The following DHRSX variants were observed in gnomAD, a reference collection of about 807,000 sequenced individuals.
DHRSX encodes the protein polyprenol dehydrogenase.
Under a neutral mutation model 34.0 loss-of-function variants are expected in DHRSX, and 31 were observed. The observed-to-expected ratio is 0.91, with a 90% confidence interval of 0.69 to 1.23. DHRSX has a LOEUF of 1.23. Ranked by LOEUF, DHRSX falls within the 50% of genes most tolerant of loss-of-function variation. DHRSX has a pLI of 0.00. For missense variants in DHRSX, 414 were observed against 428.1 expected (o/e 0.97, Z 0.29); for synonymous variants, 201 against 183.8 (o/e 1.09, Z -0.76).
chrX:2,360,330 A>G (rs1486042867), intron 3 of DHRSX, among the ~76,000 whole-genome samples: 1 of 152,218 alleles, frequency 6.6e-6, no homozygotes, highest in Admixed American at 6.5e-5. Flanking sequence ...CACGCCTGTA[A>G]TCCCAGCACT....
At chrX:2,258,530 C>G (rs1317877872) in intron 5 of DHRSX, among the ~76,000 whole-genome samples, 1 of 152,116 alleles carries the variant, frequency 6.6e-6, no homozygotes, top group Non-Finnish European at 1.5e-5. Flanking sequence ...CCTGTGAGGA[C>G]ACAGGGAGAA....
chrX:2,387,924 A>AAT (rs2043291618), intron 3 of DHRSX, among the ~76,000 whole-genome samples: 2 of 149,080 alleles, frequency 1.3e-5, no homozygotes, highest in South Asian at 4.3e-4. Context: ...AAAAAAAAAA[A>AAT]CGGGATTCCC....
At chrX:2,436,708 G>A (rs2124662106) in intron 1 of DHRSX, among the ~76,000 whole-genome samples, 1 of 151,180 alleles carries the variant, frequency 6.6e-6, no homozygotes, top group South Asian at 2.1e-4. Context: ...CATTGTTCAG[G>A]CTGATCTCAA....
At chrX:2,500,776 C>T (rs1435428813) in intron 1 of DHRSX, 41 bp downstream of exon 1, 2 of 1,021,364 alleles carry the variant, frequency 2.0e-6, no homozygotes, top group Non-Finnish European at 2.4e-6. Context: ...CCGCGCCCAC[C>T]CGGGTCCCCG....
intron 1 of DHRSX, among the ~76,000 whole-genome samples, chrX:2,447,527 A>G (rs945873214): frequency 3.3e-5 from 5 of 152,136 alleles, no homozygotes; most frequent in Admixed American, 6.6e-5. Flanking sequence ...TTATTCCACC[A>G]TAAGGTGTGT....
At chrX:2,380,145 C>T (rs1392944408) in intron 3 of DHRSX, among the ~76,000 whole-genome samples, 1 of 151,590 alleles carries the variant, frequency 6.6e-6, no homozygotes, top group Non-Finnish European at 1.5e-5. Context: ...AAATACAGAG[C>T]TTAGCTGTGC....
intron 5 of DHRSX, among the ~76,000 whole-genome samples, chrX:2,259,238 A>C (rs775773382): frequency 2.0e-5 from 3 of 151,548 alleles, no homozygotes; most frequent in Admixed American, 1.3e-4. Context: ...GCACCACTGC[A>C]TTGCAGCCTG....
chrX:2,311,113 CAG>C (rs917189901), intron 3 of DHRSX, among the ~76,000 whole-genome samples: 4 of 145,276 alleles, frequency 2.8e-5, no homozygotes, highest in African/African-American at 1.0e-4. Context: ...AACTGAGAGA[CAG>C]AGAGAATAAG....
intron 1 of DHRSX, 133 bp downstream of exon 1, chrX:2,500,684 C>T (rs1326268119): frequency 1.2e-5 from 2 of 167,644 alleles, no homozygotes; most frequent in Admixed American, 6.7e-5. Flanking sequence ...CACACCTCGA[C>T]CCCCGCCCAG....
intron 5 of DHRSX, among the ~76,000 whole-genome samples, chrX:2,260,491 C>A (rs1212735322): frequency 6.7e-6 from 1 of 149,924 alleles, no homozygotes; most frequent in African/African-American, 2.5e-5. Context: ...CAGAGTTTCG[C>A]TCTTGTTGCC....
At chrX:2,464,970 G>C (rs2044469388) in intron 1 of DHRSX, among the ~76,000 whole-genome samples, 1 of 150,856 alleles carries the variant, frequency 6.6e-6, no homozygotes, top group African/African-American at 2.4e-5. Context: ...CATTCCCTAA[G>C]AATGGGGCTA....
chrX:2,470,721 C>A (rs1370286569), intron 1 of DHRSX, among the ~76,000 whole-genome samples: 1 of 152,122 alleles, frequency 6.6e-6, no homozygotes, highest in African/African-American at 2.4e-5. Context: ...ATATAAATTA[C>A]ATTAAAATTA....
intron 3 of DHRSX, among the ~76,000 whole-genome samples, chrX:2,347,072 A>G (rs958817216): frequency 1.4e-4 from 21 of 152,190 alleles, no homozygotes; most frequent in Admixed American, 1.2e-3. Flanking sequence ...GATATAGATA[A>G]GGATGGATAA....
chrX:2,494,074 T>C (rs902243776), intron 1 of DHRSX, among the ~76,000 whole-genome samples: 11 of 152,166 alleles, frequency 7.2e-5, no homozygotes, highest in Non-Finnish European at 2.9e-5. Context: ...TGTACTCGGT[T>C]ATTATTATCT....
intron 4 of DHRSX, among the ~76,000 whole-genome samples, chrX:2,284,045 C>A (rs758928794): frequency 6.6e-5 from 10 of 151,990 alleles, no homozygotes; most frequent in East Asian, 5.8e-4. Flanking sequence ...TGAATTCATT[C>A]GTTCCTTTGA....
chrX:2,293,442 A>G (rs994866824), intron 3 of DHRSX, among the ~76,000 whole-genome samples: 1 of 152,188 alleles, frequency 6.6e-6, no homozygotes, highest in Non-Finnish European at 1.5e-5. Flanking sequence ...CAGCAGAGAC[A>G]GCAGATCTCT....
intron 5 of DHRSX, among the ~76,000 whole-genome samples, chrX:2,256,426 GC>G (rs2041280260): frequency 1.3e-5 from 2 of 151,590 alleles, no homozygotes; most frequent in South Asian, 4.2e-4. Flanking sequence ...CTCCAAAGCA[GC>G]TGAGATTACA....
intron 1 of DHRSX, among the ~76,000 whole-genome samples, chrX:2,464,569 A>T (rs28470205): frequency 0.073 from 10,942 of 149,082 alleles, 493 homozygotes; most frequent in East Asian, 0.2. Context: ...GTTCGCACTG[A>T]AGACGCTCCC....
At chrX:2,323,290 G>A (rs1242771390) in intron 3 of DHRSX, among the ~76,000 whole-genome samples, 3 of 152,138 alleles carry the variant, frequency 2.0e-5, no homozygotes, top group Non-Finnish European at 2.9e-5. Context: ...ATCTGTCACA[G>A]GGTGAATACA....
Sources: gnomAD v4.1 joint callset for allele counts (sites outside exome capture counted in the v4.1 genomes callset) on GRCh38, gnomAD v4.1.1 for gene constraint, MANE v1.5 for transcripts, NCBI Gene and HGNC (gene_info 2026-07-23, HGNC 2026-07-21) for gene names.